The following PPM1G variants were observed in gnomAD, a reference collection of about 807,000 sequenced individuals.
The protein encoded by PPM1G is protein phosphatase, Mg2+/Mn2+ dependent 1G.
Under a neutral mutation model 59.4 loss-of-function variants are expected in PPM1G, and 12 were observed. The ratio of observed to expected loss-of-function variants is 0.20; its 90% confidence interval spans 0.13 to 0.33. The LOEUF (loss-of-function observed/expected upper bound fraction) is 0.33. Among genes scored for constraint, PPM1G ranks in the 10% least tolerant of loss-of-function variants. The pLI is 1.00. For missense variants in PPM1G, 392 were observed against 681.3 expected, an observed-to-expected ratio of 0.58 and a Z score of 4.73; for synonymous variants, 245 against 251.9, an observed-to-expected ratio of 0.97 and a Z score of 0.26.
At chr2:27,392,976 T>C (rs1683952554) in intron 1 of PPM1G, 1 of 1,509,436 alleles carries the variant, frequency 6.6e-7, no homozygotes. Context: ...CAGTGGCCAG[T>C]TTGTGCAGTT....
At chr2:27,406,567 G>T (rs1199669763) in intron 1 of PPM1G, among the ~76,000 whole-genome samples, 1 of 152,198 alleles carries the variant, frequency 6.6e-6, no homozygotes, top group Non-Finnish European at 1.5e-5. Context: ...AGATTAGGAT[G>T]TAAGGAATAG....
chr2:27,387,780 A>G (rs896201775), intron 1 of PPM1G, among the ~76,000 whole-genome samples: 5 of 151,586 alleles, frequency 3.3e-5, no homozygotes, highest in Admixed American at 6.6e-5. Context: ...CAGGCTGTAC[A>G]CAGCTTTATT....
intron 1 of PPM1G, among the ~76,000 whole-genome samples, chr2:27,393,627 C>A (rs966779846): frequency 1.3e-5 from 2 of 152,196 alleles, no homozygotes; most frequent in African/African-American, 4.8e-5. Flanking sequence ...ACTCTGTCGC[C>A]AGGCTGGAGT....
chr2:27,393,401 G>A (rs1683967387), intron 1 of PPM1G: 48 of 1,377,622 alleles, frequency 3.5e-5, no homozygotes, highest in Non-Finnish European at 4.2e-5. Flanking sequence ...GGCAGCGGCA[G>A]TGGTGGCTAC....
rs1267709486 is a variant in PPM1G at position 27,382,339 on chromosome 2, C to G, written c.1332-111G>C. 1.9e-6 allele frequency: 3 copies of G among 1,554,612 alleles called. No homozygotes were observed. The highest frequency in any genetic ancestry group is 2.6e-6 in the Non-Finnish European group (3 of 1,133,754). ...TGTAAATAACTACAGAAATTCTCAG[C>G]TCTGCCTTAGTCTGGGTGCTCTTCA... is the stretch of plus-strand genomic sequence containing the variant. On this transcript the variant is annotated intron_variant, in intron 8 of 9. Transcript: ENST00000344034. This position sits in a 1 kb window ranked among gnomAD's most constrained non-coding sequence, Gnocchi z 4.2.
At chr2:27,392,294 T>G (rs1179877242) in intron 1 of PPM1G, among the ~76,000 whole-genome samples, 51 of 140,742 alleles carry the variant, frequency 3.6e-4, no homozygotes, top group Admixed American at 1.5e-3. Context: ...TTGTTTTTTT[T>G]TTTTTTTTTT....
chr2:27,393,352 T>C, intron 1 of PPM1G: 2 of 1,594,034 alleles, frequency 1.3e-6, no homozygotes, highest in Admixed American at 1.7e-5. Context: ...ACCTGCGAGG[T>C]AGACGCGGTC....
chr2:27,387,213 G>C (rs1683785174), intron 1 of PPM1G, 55 bp from the exon 2 acceptor site: 1 of 1,449,232 alleles, frequency 6.9e-7, no homozygotes, highest in African/African-American at 1.4e-5. Context: ...TATTCCTCAG[G>C]TCATAGGGAT....
chr2:27,394,741 TAAAAAAAAAAAAA>T (rs397868730), intron 1 of PPM1G, among the ~76,000 whole-genome samples: 11 of 107,912 alleles, frequency 1.0e-4, no homozygotes, highest in Admixed American at 4.2e-4. Context: ...GACTCTGTCT[TAAAAAAAAAAAAA>T]AAAAAAAAAA....
intron 1 of PPM1G, among the ~76,000 whole-genome samples, chr2:27,402,171 A>C (rs1684193387): frequency 6.6e-6 from 1 of 152,238 alleles, no homozygotes; most frequent in African/African-American, 2.4e-5. Flanking sequence ...TAGATCTAGA[A>C]AGAAACAAAA....
chr2:27,403,454 T>A (rs116010011), intron 1 of PPM1G, among the ~76,000 whole-genome samples: 1,714 of 152,032 alleles, frequency 0.011, 37 homozygotes, highest in African/African-American at 0.039. Flanking sequence ...CTTAAAAAAA[T>A]AAAAAGAAAA....
chr2:27,392,292 T>TG (rs1683926371), intron 1 of PPM1G, among the ~76,000 whole-genome samples: 2 of 89,942 alleles, frequency 2.2e-5, no homozygotes, highest in East Asian at 2.2e-4. Context: ...TTTTGTTTTT[T>TG]TTTTTTTTTT....
intron 1 of PPM1G, chr2:27,393,504 C>G: frequency 1.4e-6 from 1 of 709,820 alleles, no homozygotes; most frequent in Non-Finnish European, 2.5e-6. Flanking sequence ...GGCCGGGGTG[C>G]AGGACGAGCG....
At chr2:27,403,751 C>G (rs1425659730) in intron 1 of PPM1G, among the ~76,000 whole-genome samples, 1 of 151,268 alleles carries the variant, frequency 6.6e-6, no homozygotes, top group East Asian at 2.0e-4. Context: ...AGCCAAGTGT[C>G]GTGGCACATG....
At chr2:27,398,548 G>C (rs190588471) in intron 1 of PPM1G, among the ~76,000 whole-genome samples, 3 of 152,338 alleles carry the variant, frequency 2.0e-5, no homozygotes, top group Admixed American at 2.0e-4. Flanking sequence ...AAGAGGCTGA[G>C]TGTGGTGGCT....
At chr2:27,387,604 G>C (rs928924320) in intron 1 of PPM1G, among the ~76,000 whole-genome samples, 1 of 151,852 alleles carries the variant, frequency 6.6e-6, no homozygotes, top group Non-Finnish European at 1.5e-5. Flanking sequence ...GGGTTCAAGC[G>C]ATTCTCCTGC....
intron 1 of PPM1G, among the ~76,000 whole-genome samples, chr2:27,399,003 G>T (rs1414976783): frequency 2.0e-5 from 3 of 151,398 alleles, no homozygotes; most frequent in African/African-American, 7.3e-5. Context: ...AATTAGCTGG[G>T]AGTGGTGGCA....
Position 27,385,928 on chromosome 2 carries a change from T to C in PPM1G, c.277-49A>G, listed in dbSNP as rs1160179406. On this transcript the variant is annotated intron_variant, in intron 3 of 9. Coordinates refer to ENST00000344034, the MANE Select transcript of PPM1G (RefSeq NM_177983.3). This position sits in a 1 kb window ranked among gnomAD's most constrained non-coding sequence, Gnocchi z 4.1. ...AGACTAGTACAAAATGAACTCCCTATATACAATCCTGAGCACAAGGATGGA... is the reference window on the plus strand; with the variant it reads ...AGACTAGTACAAAATGAACTCCCTACATACAATCCTGAGCACAAGGATGGA... 4.5e-6 allele frequency: 7 copies of C among 1,572,192 alleles called. No homozygotes were observed. The highest frequency in any genetic ancestry group is 6.0e-6 in the Non-Finnish European group (7 of 1,160,386).
In PPM1G at chr2:27,382,829, G is replaced by GT. The variant is rs35551468; in HGVS notation, c.1202-225dup. ...GGTCTTTTTATTTTAAGTCTTTTTT[G>GT]TTTTTTTTTTTTTGAGACGGAGTTT... is the stretch of plus-strand genomic sequence containing the variant. On this transcript the variant is annotated intron_variant, in intron 7 of 9. Transcript: ENST00000344034. The surrounding 1 kb of genome is among the most constrained non-coding windows in gnomAD (Gnocchi z 4.2). Among the ~76,000 whole-genome samples the GT allele has an allele frequency of 0.45, 62,523 of 140,460 alleles. 14,792 individuals carry two copies. The highest frequency in any genetic ancestry group is 0.62 in the African/African-American group (23,424 of 37,950). The allele number at this position is 140,460 out of a possible 152,430, so 92.1% of individuals were successfully genotyped here.
Sources: allele counts gnomAD v4.1 joint callset (sites outside exome capture counted in the v4.1 genomes callset), GRCh38; gene constraint gnomAD v4.1.1; non-coding constraint Gnocchi (gnomAD v3.1); transcripts MANE v1.5; gene names NCBI Gene and HGNC (gene_info 2026-07-23, HGNC 2026-07-21).